PDP2: variants seen among roughly 807,000 people sequenced by gnomAD.
PDP2 encodes the protein [Pyruvate dehydrogenase [acetyl-transferring]]-phosphatase 2, mitochondrial.
PDP2 carries 23 observed loss-of-function variants against 34.2 expected under a neutral mutation model. The observed-to-expected ratio is 0.67, with a 90% CI of 0.48 to 0.95. The LOEUF (loss-of-function observed/expected upper bound fraction) is 0.95. Ranked by LOEUF, PDP2 falls within the 40% of genes least tolerant of loss-of-function variation. The probability of loss-of-function intolerance (pLI) is 0.00; values close to 1 mark genes in which losing one functional copy is unlikely to be tolerated. For synonymous variants in PDP2, 275 were observed against 269.2 expected (o/e 1.02, Z -0.21); for missense variants, 571 against 659.6 (o/e 0.87, Z 1.47).
At chr16:66,882,353 T>A (rs1348163735) in intron 1 of PDP2, among the ~76,000 whole-genome samples, 5 of 152,060 alleles carry the variant, frequency 3.3e-5, no homozygotes, top group African/African-American at 9.7e-5. Context: ...GGAGGATCCC[T>A]TGAGGCCAGA....
chr16:66,889,734 C>T lies in PDP2; in HGVS notation c.*3860C>T. 1 of 151,724 alleles carries T rather than the reference C, an allele frequency of 6.6e-6. No individual in the cohort carries two copies. Among genetic ancestry groups the T allele is most frequent in the Non-Finnish European group, 1.5e-5 (1 of 67,962 alleles). The allele number at this position is 151,724 out of a possible 1,614,324, so 9.4% of individuals were successfully genotyped here. On this transcript the variant is annotated 3_prime_UTR_variant, in exon 2 of 2. Transcript: ENST00000311765. The stretch of plus-strand genomic sequence containing the variant: ...CCTGTAATCCCAGCACTTTGGGATT[C>T]CAAGACAGAAGACTCACTTGAGTAC...
intron 1 of PDP2, among the ~76,000 whole-genome samples, chr16:66,881,418 GTT>G (rs113395207): frequency 3.3e-4 from 45 of 134,930 alleles, no homozygotes; most frequent in African/African-American, 1.2e-3. Context: ...GTTTTGTTCT[GTT>G]TTTTTTTTTT....
intron 1 of PDP2, among the ~76,000 whole-genome samples, chr16:66,881,428 TTTTAATTTAA>T (rs57764227): frequency 4.4e-4 from 53 of 119,172 alleles, no homozygotes; most frequent in South Asian, 3.1e-3. Context: ...GTTTTTTTTT[TTTTAATTTAA>T]TTTAATTTAA....
At chr16:66,881,342 C>A (rs1961506811) in intron 1 of PDP2, among the ~76,000 whole-genome samples, 1 of 150,032 alleles carries the variant, frequency 6.7e-6, no homozygotes, top group Non-Finnish European at 1.5e-5. Context: ...CTTGAGGTCC[C>A]GACAAATGAT....
Position 66,885,078 on chromosome 16 carries a change from CTG to C in PDP2, c.795_796del (p.Ala267AsnfsTer8). 6.2e-7 allele frequency: 1 copy of C among 1,613,994 alleles called. No individual in the cohort carries two copies. ...AACCTGTCACTCCAGGTTGCTTTCT[CTG>C]GGGCAACAGCTTGCATGGCCCATGT... On this transcript the variant is annotated frameshift_variant, in exon 2 of 2. Transcript: ENST00000311765. LOFTEE classifies it high-confidence loss of function. This position sits in a 1 kb window ranked among gnomAD's most constrained non-coding sequence, Gnocchi z 4.6.
rs187403164 is a variant in PDP2 at position 66,885,354 on chromosome 16, A to G, written c.1070A>G (p.Lys357Arg). 37 of 1,614,046 alleles carry G rather than the reference A, an allele frequency of 2.3e-5. No homozygotes were observed. The highest frequency in any genetic ancestry group is 3.0e-5 in the Non-Finnish European group (35 of 1,180,016). Residue 357 changes from lysine to arginine, a missense_variant, in exon 2 of 2, where the codon AAA becomes AGA. Physicochemically the swap from Lys to Arg is conservative, Grantham distance 26. This residue lies in a region of PDP2 where 281 missense variants were observed against 375.8 expected (regional missense o/e 0.75). Coordinates refer to ENST00000311765, the MANE Select transcript of PDP2 (RefSeq NM_020786.4). This position sits in a 1 kb window ranked among gnomAD's most constrained non-coding sequence, Gnocchi z 4.6. Reference sequence around the variant, plus strand: ...GGGGATGTTCAGCTGAAGTGGAGTAAAGAGTTGCAGCGCAGCATTCTGGAG... The same window carrying G: ...GGGGATGTTCAGCTGAAGTGGAGTAGAGAGTTGCAGCGCAGCATTCTGGAG... ...AFGDVQLKWSKELQRSILERG... is the reference protein window; with the variant it reads ...AFGDVQLKWSRELQRSILERG...
intron 1 of PDP2, among the ~76,000 whole-genome samples, chr16:66,881,506 G>T (rs924710536): frequency 1.3e-5 from 2 of 151,330 alleles, no homozygotes; most frequent in African/African-American, 4.9e-5. Context: ...GCTAGTGAAG[G>T]GACTAGGAAA....
In PDP2 at chr16:66,887,589, T is replaced by A. The variant is rs1596952943; in HGVS notation, c.*1715T>A. On this transcript the variant is annotated 3_prime_UTR_variant, in exon 2 of 2. Coordinates refer to ENST00000311765, the MANE Select transcript of PDP2 (RefSeq NM_020786.4). ...TACATTTTTCAGTGCAACTGTTTAG[T>A]CATGTGTTTTCATCTAAGAAATTAT... The A allele has an allele frequency of 6.0e-6, 1 of 167,242 alleles. No homozygotes were observed. Among genetic ancestry groups the A allele is most frequent in the Non-Finnish European group, 1.5e-5 (1 of 68,108 alleles). The allele number at this position is 167,242 out of a possible 1,614,324, so 10.4% of individuals were successfully genotyped here. A position where few individuals can be genotyped will look rare whatever the true frequency, so the allele number is the denominator to read the frequency against.
In PDP2 at chr16:66,886,977, A is replaced by G. The variant is rs1243630825; in HGVS notation, c.*1103A>G. ...TAATTTAGCGGATTGTGGACTTAAG[A>G]TTCAACCTCTATCTGGAGAGGTGAA... On this transcript the variant is annotated 3_prime_UTR_variant, in exon 2 of 2. Coordinates refer to ENST00000311765, the MANE Select transcript of PDP2 (RefSeq NM_020786.4). The G allele has an allele frequency of 5.9e-6, 1 of 169,380 alleles. No individual in the cohort carries two copies. Among genetic ancestry groups the G allele is most frequent in the Non-Finnish European group, 1.4e-5 (1 of 69,388 alleles). 10.5% of individuals were successfully genotyped at this position (169,380 alleles called of 1,614,324 possible). A position where few individuals can be genotyped will look rare whatever the true frequency, so the allele number is the denominator to read the frequency against.
At position 66,885,730 on chromosome 16, in the gene PDP2, T is replaced by C. The variant is rs771679872; in HGVS notation, c.1446T>C (p.Asn482=). 47 of 1,613,688 alleles carry C rather than the reference T, an allele frequency of 2.9e-5. No homozygotes were observed. Among genetic ancestry groups the C allele is most frequent in the Middle Eastern group, 1.6e-4 (1 of 6,084 alleles). The change falls in exon 2 of 2, where the codon AAT becomes AAC. Residue 482 remains asparagine (N), a synonymous_variant. Transcript: ENST00000311765. This position sits in a 1 kb window ranked among gnomAD's most constrained non-coding sequence, Gnocchi z 4.6. ...TRLIRHAIGN[N]EYGEMEAERL... ...TGATCAGACATGCCATCGGGAACAA[T>C]GAGTATGGGGAGATGGAGGCAGAGC...
At position 66,884,543 on chromosome 16, in the gene PDP2, C is replaced by A; in HGVS notation, c.259C>A (p.Arg87=). The part of the protein sequence containing the change: ...LSPEQINEVL[R]AGETTHKILD... ...CCCTGAGCAGATAAATGAAGTGCTT[C>A]GAGCTGGCGAGACAACCCACAAGAT... Residue 87 remains arginine, a synonymous_variant, in exon 2 of 2, where the codon CGA becomes AGA. Coordinates refer to ENST00000311765, the MANE Select transcript of PDP2 (RefSeq NM_020786.4). 1 of 1,614,198 alleles carries A rather than the reference C, an allele frequency of 6.2e-7. No homozygotes were observed. Among genetic ancestry groups the A allele is most frequent in the Non-Finnish European group, 8.5e-7 (1 of 1,180,044 alleles).
intron 1 of PDP2, among the ~76,000 whole-genome samples, chr16:66,882,138 G>A (rs920529501): frequency 7.2e-5 from 11 of 152,208 alleles, no homozygotes; most frequent in Admixed American, 1.3e-4. Context: ...ATTCAAAGTT[G>A]GGGTTACAAC....
At chr16:66,881,161 G>A (rs1390340033) in intron 1 of PDP2, among the ~76,000 whole-genome samples, 1 of 152,188 alleles carries the variant, frequency 6.6e-6, no homozygotes, top group Non-Finnish European at 1.5e-5. Context: ...GGATGCAAGA[G>A]GGTTTGCGTC....
Position 66,885,781 on chromosome 16 carries a change from A to C in PDP2, c.1497A>C (p.Pro499=). The C allele has an allele frequency of 6.2e-7, 1 of 1,613,578 alleles. No individual in the cohort carries two copies. Residue 499 remains proline, a synonymous_variant, in exon 2 of 2, where the codon CCA becomes CCC. Transcript: ENST00000311765. This position sits in a 1 kb window ranked among gnomAD's most constrained non-coding sequence, Gnocchi z 4.6. ...AERLAAMLTL[P]EDLARMYRDD... is the part of the protein sequence containing the mutation. ...GGCTGGCGGCGATGCTGACATTGCCAGAGGACTTGGCGAGGATGTACAGGG... is the reference window on the plus strand; with the variant it reads ...GGCTGGCGGCGATGCTGACATTGCCCGAGGACTTGGCGAGGATGTACAGGG...
intron 1 of PDP2, among the ~76,000 whole-genome samples, chr16:66,881,298 G>A (rs1026027804): frequency 2.0e-4 from 30 of 152,104 alleles, no homozygotes; most frequent in Non-Finnish European, 2.4e-4. Context: ...CAGGGGGTGG[G>A]GGAGTGAAGG....
rs779357265 is a variant in PDP2, at chr16:66,884,994, G to A, written c.710G>A (p.Arg237Lys). 1.2e-6 allele frequency: 2 copies of A among 1,613,400 alleles called. No homozygotes were observed. Residue 237 changes from arginine (R) to lysine (K), a missense_variant, in exon 2 of 2, where the codon AGA becomes AAA. By Grantham distance (26) the Arg-to-Lys change is conservative. Around this residue, in one of 2 missense-constraint regions of PDP2, gnomAD observed 281 missense variants for 375.8 expected, o/e 0.75. Transcript: ENST00000311765. ...GAAGCATTAATGTACTCCTTCCAGAGACTGGATTCTGACATCTCGCTGGAA... is the reference window on the plus strand; with the variant it reads ...GAAGCATTAATGTACTCCTTCCAGAAACTGGATTCTGACATCTCGCTGGAA... ...IEEALMYSFQ[R>K]LDSDISLEIQ...
intron 1 of PDP2, among the ~76,000 whole-genome samples, chr16:66,881,114 C>CA (rs1433076656): frequency 6.6e-6 from 1 of 152,206 alleles, no homozygotes; most frequent in Non-Finnish European, 1.5e-5. Flanking sequence ...AGGCTGAAGT[C>CA]AGAGATTTGA....
In PDP2 at chr16:66,885,114, T is replaced by C. The variant is rs1041157348; in HGVS notation, c.830T>C (p.Ile277Thr). 6.2e-7 allele frequency: 1 copy of C among 1,614,046 alleles called. No individual in the cohort carries two copies. The highest frequency in any genetic ancestry group is 1.7e-5 in the Admixed American group (1 of 60,022). ...GCTTGCATGGCCCATGTTGATGGAA[T>C]TCACTTGCACGTGGCAAATGCTGGT... is the stretch of plus-strand genomic sequence containing the variant. ...ATACMAHVDG[I>T]HLHVANAGDC... is the part of the protein sequence containing the mutation. Residue 277 changes from isoleucine (I) to threonine (T), a missense_variant, in exon 2 of 2, where the codon ATT becomes ACT. Around this residue, in one of 2 missense-constraint regions of PDP2, gnomAD observed 281 missense variants for 375.8 expected, o/e 0.75. Transcript: ENST00000311765. The surrounding 1 kb of genome is among the most constrained non-coding windows in gnomAD (Gnocchi z 4.6).
chr16:66,886,207 A>G lies in PDP2; in HGVS notation c.*333A>G, dbSNP rs1961759512. On this transcript the variant is annotated 3_prime_UTR_variant, in exon 2 of 2. Coordinates refer to ENST00000311765, the MANE Select transcript of PDP2 (RefSeq NM_020786.4). ...GAGCCTTCAAAGGGTAAATTTAATC[A>G]TGATTCTGAGAATAAAGAACTTCAG... is the stretch of plus-strand genomic sequence containing the variant. 1 of 278,210 alleles carries G rather than the reference A, an allele frequency of 3.6e-6. No individual in the cohort carries two copies. The highest frequency in any genetic ancestry group is 7.4e-6 in the Non-Finnish European group (1 of 134,462). The allele number at this position is 278,210 out of a possible 1,614,324, so 17.2% of individuals were successfully genotyped here.
Sources: gnomAD v4.1 joint callset for allele counts (sites outside exome capture counted in the v4.1 genomes callset) on GRCh38, gnomAD v4.1.1 for gene constraint, gnomAD v4.1.1 regional missense constraint, Gnocchi (gnomAD v3.1) non-coding constraint, MANE v1.5 for transcripts, NCBI Gene and HGNC (gene_info 2026-07-23, HGNC 2026-07-21) for gene names.